The following SLIT2 variants were observed in gnomAD, a reference collection of about 807,000 sequenced individuals.
SLIT2 encodes slit homolog 2 protein.
Under a neutral mutation model 185.7 loss-of-function variants are expected in SLIT2, and 41 were observed. The observed-to-expected ratio is 0.22, with a 90% CI of 0.17 to 0.29. The LOEUF (loss-of-function observed/expected upper bound fraction) is 0.29. Ranked by LOEUF, SLIT2 falls within the 10% of genes least tolerant of loss-of-function variation. The probability of loss-of-function intolerance (pLI) is 1.00; values close to 1 mark genes in which losing one functional copy is unlikely to be tolerated. For missense variants in SLIT2, 1,571 were observed against 1,909.0 expected (o/e 0.82, Z 3.30); for synonymous variants, 693 against 680.2 (o/e 1.02, Z -0.29).
chr4:20,609,981 G>A (rs756693410), intron 33 of SLIT2, 32 bp from the exon 34 acceptor site: 1 of 1,572,344 alleles, frequency 6.4e-7, no homozygotes, highest in South Asian at 1.2e-5. Flanking sequence ...AAAAGAAAAT[G>A]GAAGAATCAG....
chr4:20,617,470 G>T lies in SLIT2; in HGVS notation c.4168G>T (p.Ala1390Ser). The T allele has an allele frequency of 6.2e-7, 1 of 1,614,094 alleles. No individual in the cohort carries two copies. Among genetic ancestry groups the T allele is most frequent in the South Asian group, 1.1e-5 (1 of 91,068 alleles). ...CVHGTCLPIN[A>S]FSYSCKCLEG... ...ACATGGCACCTGCTTGCCCATCAAT[G>T]CGTTCTCCTACAGCTGTAAGTGCTT... The change falls in exon 36 of 37, where the codon GCG becomes TCG. Residue 1390 changes from alanine (A) to serine (S), a missense_variant. Physicochemically the swap from Ala to Ser is moderately conservative, Grantham distance 99. Coordinates refer to ENST00000504154, the MANE Select transcript of SLIT2 (RefSeq NM_004787.4).
intron 4 of SLIT2, among the ~76,000 whole-genome samples, chr4:20,289,425 CTTTAT>C (rs1715592016): frequency 6.6e-6 from 1 of 152,060 alleles, no homozygotes; most frequent in Non-Finnish European, 1.5e-5. Context: ...GTCAGGATGT[CTTTAT>C]TTTATTTTGT....
At chr4:20,325,462 A>C (rs1719497522) in intron 4 of SLIT2, among the ~76,000 whole-genome samples, 1 of 151,574 alleles carries the variant, frequency 6.6e-6, no homozygotes, top group African/African-American at 2.4e-5. Context: ...AAAAGAATAG[A>C]AAGTAGAAAA....
intron 4 of SLIT2, among the ~76,000 whole-genome samples, chr4:20,272,359 A>C (rs977549324): frequency 1.4e-4 from 22 of 151,994 alleles, no homozygotes; most frequent in African/African-American, 4.6e-4. Context: ...TCAAGGTTGC[A>C]TTTTTATTAT....
intron 34 of SLIT2, chr4:20,615,444 C>T (rs2148987831): frequency 6.6e-6 from 1 of 152,266 alleles, no homozygotes; most frequent in South Asian, 2.1e-4. Context: ...GGATCAGAAC[C>T]TCAGAAGGAG....
chr4:20,437,452 A>AAAAAAATT (rs1308523968), intron 4 of SLIT2, among the ~76,000 whole-genome samples: 36 of 152,080 alleles, frequency 2.4e-4, no homozygotes, highest in Non-Finnish European at 4.3e-4. Context: ...CTGTCTCTAC[A>AAAAAAATT]AAAAAATTAA....
chr4:20,546,134 C>G (rs755952214), intron 22 of SLIT2, 35 bp downstream of exon 22: 2 of 1,205,390 alleles, frequency 1.7e-6, no homozygotes, highest in South Asian at 2.8e-5. Context: ...TTGACTTACT[C>G]TATTTCCAGA....
chr4:20,506,295 A>G (rs1475981249), intron 9 of SLIT2, among the ~76,000 whole-genome samples: 1 of 151,976 alleles, frequency 6.6e-6, no homozygotes, highest in East Asian at 1.9e-4. Context: ...AAGGACTGAC[A>G]TTTGAAAATC....
At chr4:20,397,870 GAACT>G (rs1318762052) in intron 4 of SLIT2, among the ~76,000 whole-genome samples, 2 of 151,734 alleles carry the variant, frequency 1.3e-5, no homozygotes, top group Non-Finnish European at 2.9e-5. Context: ...ATGTGATCTA[GAACT>G]AACTTTCTGT....
rs140317152 is a variant in SLIT2, at chr4:20,421,961, A to G, written c.396-45791A>G. On this transcript the variant is annotated intron_variant, in intron 4 of 36. Coordinates refer to ENST00000504154, the MANE Select transcript of SLIT2 (RefSeq NM_004787.4). Reference sequence around the variant, plus strand: ...AGGGATCTACAGGAATTGTTTCCACATGGTTCTAATGGATGCATGGACGGA... The same window carrying G: ...AGGGATCTACAGGAATTGTTTCCACGTGGTTCTAATGGATGCATGGACGGA... Among the ~76,000 whole-genome samples, 238 of 152,238 alleles carry G rather than the reference A, an allele frequency of 1.6e-3. 2 individuals carry two copies. The highest frequency in any genetic ancestry group is 5.5e-3 in the African/African-American group (227 of 41,548).
intron 4 of SLIT2, among the ~76,000 whole-genome samples, chr4:20,427,107 T>C (rs897872278): frequency 6.6e-6 from 1 of 152,206 alleles, no homozygotes; most frequent in Non-Finnish European, 1.5e-5. Context: ...CAGACTTCAA[T>C]CCTCAATTGA....
At chr4:20,606,014 G>C (rs1339572163) in intron 33 of SLIT2, among the ~76,000 whole-genome samples, 1 of 152,054 alleles carries the variant, frequency 6.6e-6, no homozygotes, top group Non-Finnish European at 1.5e-5. Context: ...CTCCCAAAGT[G>C]CTAGGATTAC....
At chr4:20,348,326 C>T (rs1002653894) in intron 4 of SLIT2, among the ~76,000 whole-genome samples, 5 of 152,174 alleles carry the variant, frequency 3.3e-5, no homozygotes, top group Non-Finnish European at 5.9e-5. Context: ...GCAACCTCCA[C>T]TTCCCAGGTT....
At position 20,416,802 on chromosome 4, in the gene SLIT2, C is replaced by A. The variant is rs145103215; in HGVS notation, c.396-50950C>A. On this transcript the variant is annotated intron_variant, in intron 4 of 36. Transcript: ENST00000504154. ...TACAATTCCTGCTGAACAAGTCTTT[C>A]ATTCAGTTCTTCATTCAATTCACAT... 1.2e-3 allele frequency among the ~76,000 whole-genome samples: 189 copies of A among 152,308 alleles called. 1 individual carries two copies. Among genetic ancestry groups the A allele is most frequent in the African/African-American group, 4.3e-3 (178 of 41,576 alleles).
chr4:20,437,332 A>G (rs779152373), intron 4 of SLIT2, among the ~76,000 whole-genome samples: 1 of 152,162 alleles, frequency 6.6e-6, no homozygotes, highest in Non-Finnish European at 1.5e-5. Flanking sequence ...ACTAGGAGTC[A>G]GGTCAGATGC....
chr4:20,496,493 A>G (rs1031159440), intron 9 of SLIT2, among the ~76,000 whole-genome samples: 3 of 152,214 alleles, frequency 2.0e-5, no homozygotes, highest in Non-Finnish European at 4.4e-5. Context: ...GCAGAAGCAC[A>G]GGTCAGATAA....
chr4:20,398,287 C>A (rs2109390491), intron 4 of SLIT2, among the ~76,000 whole-genome samples: 2 of 151,906 alleles, frequency 1.3e-5, no homozygotes, highest in Non-Finnish European at 2.9e-5. Flanking sequence ...TGGTTCTCTG[C>A]AGAGGCAAAA....
At chr4:20,466,231 A>T (rs1714338573) in intron 4 of SLIT2, among the ~76,000 whole-genome samples, 1 of 152,106 alleles carries the variant, frequency 6.6e-6, no homozygotes, top group African/African-American at 2.4e-5. Flanking sequence ...ATTGTTAAAT[A>T]TTATTAACTT....
chr4:20,425,380 TAAAC>T (rs886597392), intron 4 of SLIT2, among the ~76,000 whole-genome samples: 4 of 152,048 alleles, frequency 2.6e-5, no homozygotes, highest in African/African-American at 4.8e-5. Context: ...AATAAATAAA[TAAAC>T]AAATAAAACC....
Sources: gnomAD v4.1 joint callset for allele counts (sites outside exome capture counted in the v4.1 genomes callset) on GRCh38, gnomAD v4.1.1 for gene constraint, MANE v1.5 for transcripts, NCBI Gene and HGNC (gene_info 2026-07-23, HGNC 2026-07-21) for gene names.